SLC25A37: variants seen among roughly 807,000 people sequenced by gnomAD.
SLC25A37 encodes mitoferrin-1.
In SLC25A37, 17 loss-of-function variants were observed where a neutral mutation model predicts 31.0. That is an observed-to-expected ratio of 0.55 (90% CI 0.38 to 0.82). The LOEUF (loss-of-function observed/expected upper bound fraction) is 0.82. Among genes scored for constraint, SLC25A37 ranks in the 40% least tolerant of loss-of-function variants. The pLI is 0.00. For missense variants in SLC25A37, 404 were observed against 465.8 expected, an observed-to-expected ratio of 0.87 and a Z score of 1.22; for synonymous variants, 222 against 193.0, an observed-to-expected ratio of 1.15 and a Z score of -1.24.
chr8:23,544,520 G>A (rs1025167671), intron 1 of SLC25A37, among the ~76,000 whole-genome samples: 1 of 152,192 alleles, frequency 6.6e-6, no homozygotes, highest in African/African-American at 2.4e-5. Flanking sequence ...CCCCTCTGTG[G>A]CAGGAAGGAC....
intron 1 of SLC25A37, among the ~76,000 whole-genome samples, chr8:23,535,830 C>A (rs184205604): frequency 6.6e-6 from 1 of 152,150 alleles, no homozygotes; most frequent in African/African-American, 2.4e-5. Context: ...ATCATCAGAT[C>A]TCGTGAGACT....
At chr8:23,565,102 A>T (rs995905571) in intron 1 of SLC25A37, among the ~76,000 whole-genome samples, 3 of 152,202 alleles carry the variant, frequency 2.0e-5, no homozygotes, top group African/African-American at 7.2e-5. Context: ...TCCTTGAGAG[A>T]GACCCAGTTT....
At chr8:23,541,078 A>C (rs1213158907) in intron 1 of SLC25A37, among the ~76,000 whole-genome samples, 1 of 152,186 alleles carries the variant, frequency 6.6e-6, no homozygotes, top group Non-Finnish European at 1.5e-5. Flanking sequence ...TGTTGAGCCA[A>C]GACAGGGTGG....
intron 1 of SLC25A37, among the ~76,000 whole-genome samples, chr8:23,546,767 A>G (rs1233385419): frequency 1.0e-5 from 1 of 96,822 alleles, no homozygotes; most frequent in Non-Finnish European, 2.3e-5. Flanking sequence ...AAATCACAAG[A>G]AAAAAATTCA....
At chr8:23,535,005 C>G (rs1251839814) in intron 1 of SLC25A37, among the ~76,000 whole-genome samples, 1 of 152,182 alleles carries the variant, frequency 6.6e-6, no homozygotes, top group Non-Finnish European at 1.5e-5. Context: ...TCACTCCATT[C>G]CTTACACCTC....
intron 1 of SLC25A37, among the ~76,000 whole-genome samples, chr8:23,538,595 G>A (rs1222656477): frequency 1.3e-5 from 2 of 151,288 alleles, no homozygotes; most frequent in South Asian, 2.1e-4. Context: ...CCCCGATGAG[G>A]CAATGTCTTC....
At chr8:23,551,285 C>A (rs1802217982) in intron 1 of SLC25A37, among the ~76,000 whole-genome samples, 1 of 152,182 alleles carries the variant, frequency 6.6e-6, no homozygotes, top group Non-Finnish European at 1.5e-5. Context: ...CCTAGGCCAT[C>A]CATTTAGAAA....
At chr8:23,570,594 A>T (rs1802798932) in intron 3 of SLC25A37, among the ~76,000 whole-genome samples, 1 of 152,210 alleles carries the variant, frequency 6.6e-6, no homozygotes, top group African/African-American at 2.4e-5. Context: ...GGTTTTGTTT[A>T]TCTTTTTTAA....
At chr8:23,538,684 T>G (rs1801827693) in intron 1 of SLC25A37, among the ~76,000 whole-genome samples, 2 of 152,066 alleles carry the variant, frequency 1.3e-5, no homozygotes, top group South Asian at 4.1e-4. Context: ...GCTACAAAAA[T>G]AAGAATGCCT....
intron 1 of SLC25A37, among the ~76,000 whole-genome samples, chr8:23,565,319 C>T (rs919893817): frequency 6.6e-6 from 1 of 152,142 alleles, no homozygotes; most frequent in African/African-American, 2.4e-5. Flanking sequence ...CACACCTGTG[C>T]AAGCGCTTTT....
rs528129513 is a variant in SLC25A37, at chr8:23,547,695, C to T, written c.211-18413C>T. Among the ~76,000 whole-genome samples, 39 of 152,336 alleles carry T rather than the reference C, an allele frequency of 2.6e-4. No individual in the cohort carries two copies. In the South Asian group the frequency reaches 7.0e-3, roughly 28 times the overall value. ...GCTGAGCAGTGGTGGGAAGGACCAG[C>T]GGCCCATGTACCATGTTGGGCCCCT... is the stretch of plus-strand genomic sequence containing the variant. On this transcript the variant is annotated intron_variant, in intron 1 of 3. Coordinates refer to ENST00000519973, the MANE Select transcript of SLC25A37 (RefSeq NM_016612.4).
chr8:23,556,499 T>C (rs1030563582), intron 1 of SLC25A37, among the ~76,000 whole-genome samples: 1 of 152,098 alleles, frequency 6.6e-6, no homozygotes, highest in African/African-American at 2.4e-5. Context: ...GTGCTGGGAT[T>C]ACAGGTGTGA....
chr8:23,568,286 A>T (rs370227802), intron 2 of SLC25A37, 36 bp from the exon 3 acceptor site: 32 of 1,612,144 alleles, frequency 2.0e-5, no homozygotes, highest in Non-Finnish European at 2.7e-5. Context: ...AGAACACCCG[A>T]TCGCAGAGGG....
chr8:23,530,354 A>G (rs1431797424), intron 1 of SLC25A37, among the ~76,000 whole-genome samples: 1 of 152,236 alleles, frequency 6.6e-6, no homozygotes, highest in African/African-American at 2.4e-5. Flanking sequence ...AGGCACCCCC[A>G]GCAGCTTTAT....
intron 1 of SLC25A37, among the ~76,000 whole-genome samples, chr8:23,535,658 A>G (rs1801750879): frequency 1.3e-5 from 2 of 152,178 alleles, no homozygotes; most frequent in South Asian, 4.1e-4. Flanking sequence ...ATAAAGACAT[A>G]CCTGAGACTG....
intron 1 of SLC25A37, among the ~76,000 whole-genome samples, chr8:23,564,923 T>C (rs1361820084): frequency 6.6e-6 from 1 of 152,112 alleles, no homozygotes; most frequent in Non-Finnish European, 1.5e-5. Flanking sequence ...TACCTATCTG[T>C]CTGATCTACC....
chr8:23,538,350 C>T (rs1801813669), intron 1 of SLC25A37, among the ~76,000 whole-genome samples: 1 of 131,444 alleles, frequency 7.6e-6, no homozygotes. Flanking sequence ...CATTGCACTC[C>T]AGCCCGGACA....
At chr8:23,554,182 A>G (rs896087271) in intron 1 of SLC25A37, among the ~76,000 whole-genome samples, 2 of 152,138 alleles carry the variant, frequency 1.3e-5, no homozygotes, top group African/African-American at 4.8e-5. Context: ...CAATTTGTGG[A>G]ATGGGGATAA....
chr8:23,552,240 G>A (rs1430760260), intron 1 of SLC25A37, among the ~76,000 whole-genome samples: 6 of 152,114 alleles, frequency 3.9e-5, no homozygotes, highest in South Asian at 2.1e-4. Flanking sequence ...AAATAGTTCC[G>A]GTGAAGATAA....
Sources: gnomAD v4.1 joint callset for allele counts (sites outside exome capture counted in the v4.1 genomes callset) on GRCh38, gnomAD v4.1.1 for gene constraint, MANE v1.5 for transcripts, NCBI Gene and HGNC (gene_info 2026-07-23, HGNC 2026-07-21) for gene names.